The following FSTL5 variants were observed in gnomAD, a reference collection of about 807,000 sequenced individuals.
FSTL5 encodes follistatin-related protein 5.
In FSTL5, 62 loss-of-function variants were observed where a neutral mutation model predicts 89.1. The observed-to-expected ratio is 0.70, with a 90% CI of 0.57 to 0.86. The LOEUF is 0.86. Ranked by LOEUF, FSTL5 falls within the 40% of genes least tolerant of loss-of-function variation. FSTL5 has a pLI of 0.00. For synonymous variants in FSTL5, 383 were observed against 346.2 expected (o/e 1.11, Z -1.18); for missense variants, 1,057 against 1,001.6 (o/e 1.06, Z -0.75).
chr4:162,061,694 G>A lies in FSTL5; in HGVS notation c.127-28036C>T, dbSNP rs565021319. The stretch of plus-strand genomic sequence containing the variant: ...ACAGCAGGGTTTTAAACCAAAGCAC[G>A]CAGTCCTTCTAAACACAGGGTCCCA... On this transcript the variant is annotated intron_variant, in intron 2 of 15. Transcript: ENST00000306100. 3.9e-5 allele frequency among the ~76,000 whole-genome samples: 6 copies of A among 152,156 alleles called. No individual in the cohort carries two copies. In the South Asian group the frequency reaches 6.2e-4, roughly 16 times the overall value.
intron 15 of FSTL5, among the ~76,000 whole-genome samples, chr4:161,439,885 T>TGA (rs1316519928): frequency 6.6e-6 from 1 of 152,156 alleles, no homozygotes; most frequent in Non-Finnish European, 1.5e-5. Context: ...TTATTTCAGG[T>TGA]AGTTCCCCAA....
rs574335668 is a variant in FSTL5 at position 161,749,562 on chromosome 4, C to G, written c.727+9849G>C. On this transcript the variant is annotated intron_variant, in intron 6 of 15. Coordinates refer to ENST00000306100, the MANE Select transcript of FSTL5 (RefSeq NM_020116.5). ...CCTGTAATCCCAGCACTTCGGGAGG[C>G]TGAGGCGGGCGGATCCCGAGGTCAG... Among the ~76,000 whole-genome samples, 4 of 152,208 alleles carry G rather than the reference C, an allele frequency of 2.6e-5. No homozygotes were observed. The East Asian group carries it at 7.7e-4, about 29-fold the overall frequency.
intron 6 of FSTL5, among the ~76,000 whole-genome samples, chr4:161,667,443 A>C (rs1054143438): frequency 6.6e-6 from 1 of 152,118 alleles, no homozygotes; most frequent in African/African-American, 2.4e-5. Flanking sequence ...GAATGCAGAT[A>C]ACAGAATGAC....
intron 8 of FSTL5, among the ~76,000 whole-genome samples, chr4:161,559,262 T>A (rs1451102456): frequency 2.0e-5 from 3 of 151,904 alleles, no homozygotes; most frequent in Non-Finnish European, 4.4e-5. Flanking sequence ...ATTAGACTCC[T>A]CTTTCTAATA....
chr4:161,886,128 GATTACT>G (rs1732799589), intron 4 of FSTL5, among the ~76,000 whole-genome samples: 1 of 152,154 alleles, frequency 6.6e-6, no homozygotes, highest in African/African-American at 2.4e-5. Flanking sequence ...CCTACACAGA[GATTACT>G]ATCTGATTTG....
intron 1 of FSTL5, among the ~76,000 whole-genome samples, chr4:162,141,681 G>A (rs1222515459): frequency 2.6e-5 from 4 of 152,104 alleles, no homozygotes; most frequent in African/African-American, 9.7e-5. Flanking sequence ...TTTTGGTGGC[G>A]GTGGCGGGAA....
chr4:162,043,248 C>G (rs1018889202), intron 2 of FSTL5: 5 of 152,100 alleles, frequency 3.3e-5, no homozygotes, highest in African/African-American at 1.2e-4. Flanking sequence ...TAATATACAA[C>G]CATACCTCAA....
chr4:161,983,009 T>C (rs7699662), intron 3 of FSTL5, among the ~76,000 whole-genome samples: 113,359 of 152,044 alleles, frequency 0.75, 43,311 homozygotes, highest in Middle Eastern at 0.85. Flanking sequence ...ATTTAAATCT[T>C]CAAAAAAATG....
Position 162,066,346 on chromosome 4 carries a change from TCTTCTTCTCCTTCTTCTTCTTCTTCTC to T in FSTL5, c.127-32715_127-32689del, listed in dbSNP as rs1334562703. ...TTCTTCTTCTTCTTCTTCTTCTTCTTCTTCTTCTCCTTCTTCTTCTTCTTCTCCTTCTTCTTCTTCTTCATTTTCCTT... is the reference window on the plus strand; with the variant it reads ...TTCTTCTTCTTCTTCTTCTTCTTCTTCTTCTTCTTCTTCTTCATTTTCCTT... On this transcript the variant is annotated intron_variant, in intron 2 of 15. Coordinates refer to ENST00000306100, the MANE Select transcript of FSTL5 (RefSeq NM_020116.5). 3.3e-3 allele frequency among the ~76,000 whole-genome samples: 440 copies of T among 131,444 alleles called. 2 individuals carry two copies. The highest frequency in any genetic ancestry group is 0.022 in the East Asian group (75 of 3,352). The allele number at this position is 131,444 out of a possible 152,430, so 86.2% of individuals were successfully genotyped here.
Position 161,459,346 on chromosome 4 carries a change from T to C in FSTL5, c.1609-27A>G, listed in dbSNP as rs376306198. The C allele has an allele frequency of 5.9e-5, 85 of 1,434,238 alleles. No individual in the cohort carries two copies. The African/African-American group carries it at 1.1e-3, about 18-fold the overall frequency. 88.8% of individuals were successfully genotyped at this position (1,434,238 alleles called of 1,614,324 possible). ...TACAATAAAGAAGAATTGAAAAAAA[T>C]GTTTTAGACTAAACTATTAGTTTAA... On this transcript the variant is annotated intron_variant, in intron 13 of 15. Transcript: ENST00000306100.
At chr4:162,133,755 T>C (rs188213408) in intron 1 of FSTL5, among the ~76,000 whole-genome samples, 3 of 152,336 alleles carry the variant, frequency 2.0e-5, no homozygotes, top group Admixed American at 1.3e-4. Flanking sequence ...GCTTCAATTC[T>C]TCTGTGTCTG....
intron 9 of FSTL5, among the ~76,000 whole-genome samples, chr4:161,539,090 A>C (rs1731732952): frequency 6.6e-6 from 1 of 151,834 alleles, no homozygotes; most frequent in Non-Finnish European, 1.5e-5. Flanking sequence ...TGTTTGTTAT[A>C]GTCATTTGTT....
intron 2 of FSTL5, among the ~76,000 whole-genome samples, chr4:162,068,767 G>A (rs1421046881): frequency 2.0e-5 from 3 of 151,888 alleles, no homozygotes; most frequent in African/African-American, 4.8e-5. Context: ...CTTACAGAGT[G>A]GGAGAAAATT....
chr4:161,781,683 G>C (rs1427332573), intron 4 of FSTL5, among the ~76,000 whole-genome samples: 1 of 151,962 alleles, frequency 6.6e-6, no homozygotes, highest in Admixed American at 6.6e-5. Context: ...CCCAGCTATC[G>C]ACATCCCACA....
chr4:161,425,040 C>T (rs1216028824), intron 15 of FSTL5, among the ~76,000 whole-genome samples: 1 of 152,118 alleles, frequency 6.6e-6, no homozygotes, highest in Non-Finnish European at 1.5e-5. Context: ...TTGGAAGGAG[C>T]CAGCCTCAAT....
chr4:162,127,045 G>A (rs1346538274), intron 1 of FSTL5, among the ~76,000 whole-genome samples: 1 of 151,940 alleles, frequency 6.6e-6, no homozygotes, highest in South Asian at 2.1e-4. Context: ...TATTTAAGCC[G>A]CACCATTGAC....
Position 161,476,452 on chromosome 4 carries a change from G to C in FSTL5, c.1608+4568C>G, listed in dbSNP as rs541554891. Among the ~76,000 whole-genome samples the C allele has an allele frequency of 5.3e-5, 8 of 152,100 alleles. No homozygotes were observed. The East Asian group carries it at 1.4e-3, about 26-fold the overall frequency. ...CCCACCCACCTTGGCCTCCCAAAGT[G>C]TTAGGATTACAGGCGTGAGCCATAT... is the stretch of plus-strand genomic sequence containing the variant. On this transcript the variant is annotated intron_variant, in intron 13 of 15. Transcript: ENST00000306100.
At chr4:161,956,444 A>G (rs1175727109) in intron 3 of FSTL5, among the ~76,000 whole-genome samples, 1 of 151,938 alleles carries the variant, frequency 6.6e-6, no homozygotes, top group Non-Finnish European at 1.5e-5. Context: ...CTCACAATTA[A>G]AAAGAACAAT....
chr4:161,712,726 C>T (rs1436156496), intron 6 of FSTL5, among the ~76,000 whole-genome samples: 1 of 152,070 alleles, frequency 6.6e-6, no homozygotes, highest in Non-Finnish European at 1.5e-5. Context: ...TATGTTCTCA[C>T]TCCATGAGTT....
Sources: allele counts gnomAD v4.1 joint callset (sites outside exome capture counted in the v4.1 genomes callset), GRCh38; gene constraint gnomAD v4.1.1; transcripts MANE v1.5; gene names NCBI Gene and HGNC (gene_info 2026-07-23, HGNC 2026-07-21).